CMC1: variants seen among roughly 807,000 people sequenced by gnomAD.
CMC1 encodes COX assembly mitochondrial protein homolog.
Under a neutral mutation model 14.1 loss-of-function variants are expected in CMC1, and 14 were observed. The observed-to-expected ratio is 0.99, with a 90% CI of 0.66 to 1.55. The LOEUF (loss-of-function observed/expected upper bound fraction) is 1.55, where lower values mean the gene tolerates loss of function less well. Ranked by LOEUF, CMC1 falls within the 40% of genes most tolerant of loss-of-function variation. The pLI is 0.00. For missense variants in CMC1, 127 were observed against 123.8 expected, an observed-to-expected ratio of 1.03 and a Z score of -0.12; for synonymous variants, 50 against 38.4, an observed-to-expected ratio of 1.30 and a Z score of -1.12.
At chr3:28,247,879 C>T (rs998933231) in intron 1 of CMC1, among the ~76,000 whole-genome samples, 1 of 152,016 alleles carries the variant, frequency 6.6e-6, no homozygotes, top group South Asian at 2.1e-4. Context: ...TCTAGGCCAT[C>T]GTACATGCTG....
intron 2 of CMC1, chr3:28,297,196 T>C (rs1023206349): frequency 6.6e-5 from 10 of 152,092 alleles, no homozygotes; most frequent in African/African-American, 2.4e-4. Context: ...AACCCCTTTA[T>C]AAAGTAGCAT....
chr3:28,318,170 T>C (rs1703018540), intron 3 of CMC1: 1 of 151,856 alleles, frequency 6.6e-6, no homozygotes, highest in Non-Finnish European at 1.5e-5. Flanking sequence ...GTAACTGCTA[T>C]CCTCTCTCAT....
chr3:28,316,758 T>C (rs1438627040), intron 3 of CMC1: 2 of 162,884 alleles, frequency 1.2e-5, no homozygotes, highest in African/African-American at 4.8e-5. Context: ...TAAAGATAAC[T>C]GAATGAAAAT....
chr3:28,292,004 T>C (rs1162968502), intron 2 of CMC1: 1 of 152,186 alleles, frequency 6.6e-6, no homozygotes, highest in Non-Finnish European at 1.5e-5. Flanking sequence ...TTTTGTTTTG[T>C]TTTTGTTTTT....
At chr3:28,253,829 A>G in intron 1 of CMC1, 1 of 730,498 alleles carries the variant, frequency 1.4e-6, no homozygotes, top group East Asian at 6.5e-5. Context: ...AAATTAGTTA[A>G]ATTAGAATGT....
rs776580155 is a variant in CMC1, at chr3:28,324,228, T to C, written c.*4599T>C. On this transcript the variant is annotated 3_prime_UTR_variant, in exon 4 of 4. Transcript: ENST00000466830. ...CATAAGAACTGTGTTCCTGAAAGCATGTACCATCATTAGGAATGGATCTCT... is the reference window on the plus strand; with the variant it reads ...CATAAGAACTGTGTTCCTGAAAGCACGTACCATCATTAGGAATGGATCTCT... 50 of 1,610,370 alleles carry C rather than the reference T, an allele frequency of 3.1e-5. No homozygotes were observed. In the South Asian group the frequency reaches 5.1e-4, roughly 16 times the overall value.
At position 28,324,730 on chromosome 3, in the gene CMC1, C is replaced by T. The variant is rs1462833942; in HGVS notation, c.*5101C>T. On this transcript the variant is annotated 3_prime_UTR_variant, in exon 4 of 4. Coordinates refer to ENST00000466830, the MANE Select transcript of CMC1 (RefSeq NM_182523.2). The stretch of plus-strand genomic sequence containing the variant: ...AATGGATATAGAATTCCTGTCCCAA[C>T]TATGTCATAGAGCTTTTAAAAGATG... 3.4e-6 allele frequency: 1 copy of T among 298,340 alleles called. No individual in the cohort carries two copies. Among genetic ancestry groups the T allele is most frequent in the African/African-American group, 2.2e-5 (1 of 46,092 alleles). 18.5% of individuals were successfully genotyped at this position (298,340 alleles called of 1,614,324 possible).
chr3:28,274,116 ATTTGGTCCTG>A (rs1173836622), intron 2 of CMC1, among the ~76,000 whole-genome samples: 168 of 151,262 alleles, frequency 1.1e-3, no homozygotes, highest in Middle Eastern at 6.8e-3. Flanking sequence ...TTATATGTGA[ATTTGGTCCTG>A]CCATCATGAT....
chr3:28,255,241 C>CTTTT (rs61315525), intron 1 of CMC1, among the ~76,000 whole-genome samples: 1 of 133,150 alleles, frequency 7.5e-6, no homozygotes, highest in Non-Finnish European at 1.6e-5. Flanking sequence ...TTTGTTTCCT[C>CTTTT]TTTTTTTTTT....
intron 2 of CMC1, among the ~76,000 whole-genome samples, chr3:28,273,239 A>G (rs1325212542): frequency 6.6e-6 from 1 of 152,094 alleles, no homozygotes. Flanking sequence ...AGTGCTATAA[A>G]TTTCCCTCTT....
At position 28,324,099 on chromosome 3, in the gene CMC1, G is replaced by C. The variant is rs1187668286; in HGVS notation, c.*4470G>C. 6.2e-7 allele frequency: 1 copy of C among 1,610,154 alleles called. No homozygotes were observed. Among genetic ancestry groups the C allele is most frequent in the South Asian group, 1.1e-5 (1 of 90,940 alleles). On this transcript the variant is annotated 3_prime_UTR_variant, in exon 4 of 4. Coordinates refer to ENST00000466830, the MANE Select transcript of CMC1 (RefSeq NM_182523.2). ...GATCCAAGTAATGCAGTGGTGGAAGGTTGGGTAAAGGCAAAGTTTTAGTTT... is the reference window on the plus strand; with the variant it reads ...GATCCAAGTAATGCAGTGGTGGAAGCTTGGGTAAAGGCAAAGTTTTAGTTT...
chr3:28,289,765 ACAT>A (rs1364076163), intron 2 of CMC1, among the ~76,000 whole-genome samples: 2 of 152,116 alleles, frequency 1.3e-5, no homozygotes. Flanking sequence ...GGGGAAAACA[ACAT>A]CATGCTTTTA....
At chr3:28,294,427 A>G in intron 2 of CMC1, 18 of 910,598 alleles carry the variant, frequency 2.0e-5, no homozygotes, top group Non-Finnish European at 2.4e-5. Flanking sequence ...TCTCTTTTAC[A>G]ATACAGGACA....
chr3:28,316,268 TTG>T (rs1299844753), intron 2 of CMC1, 63 bp from the exon 3 acceptor site: 2 of 758,360 alleles, frequency 2.6e-6, no homozygotes, highest in Non-Finnish European at 2.0e-6. Context: ...AAGAAGAAAA[TTG>T]TGTGTGTGGG....
chr3:28,293,055 A>G (rs1442520703), intron 2 of CMC1: 1 of 151,958 alleles, frequency 6.6e-6, no homozygotes, highest in Non-Finnish European at 1.5e-5. Context: ...TTGTATCTAT[A>G]TATGCTAAAC....
intron 2 of CMC1, among the ~76,000 whole-genome samples, chr3:28,266,112 A>T (rs1440752466): frequency 1.3e-5 from 2 of 152,156 alleles, no homozygotes; most frequent in East Asian, 3.8e-4. Context: ...TTTTTTAACC[A>T]GCTTACATGA....
At position 28,322,861 on chromosome 3, in the gene CMC1, A is replaced by ACTGT. The variant is rs1029086392; in HGVS notation, c.*3235_*3238dup. The ACTGT allele has an allele frequency of 6.6e-6, 1 of 151,250 alleles. No homozygotes were observed. The highest frequency in any genetic ancestry group is 2.4e-5 in the African/African-American group (1 of 41,334). The allele number at this position is 151,250 out of a possible 1,614,324, so 9.4% of individuals were successfully genotyped here. A position where few individuals can be genotyped will look rare whatever the true frequency, so the allele number is the denominator to read the frequency against. On this transcript the variant is annotated 3_prime_UTR_variant, in exon 4 of 4. Coordinates refer to ENST00000466830, the MANE Select transcript of CMC1 (RefSeq NM_182523.2). Reference sequence around the variant, plus strand: ...AGATATTGAGTTCAAGATATATGAAACTGTCTATCAAAAAGGATAAAAGTC... The same window carrying ACTGT: ...AGATATTGAGTTCAAGATATATGAAACTGTCTGTCTATCAAAAAGGATAAAAGTC...
intron 1 of CMC1, among the ~76,000 whole-genome samples, chr3:28,256,899 TATTAAA>T (rs1210524380): frequency 4.6e-5 from 7 of 152,324 alleles, no homozygotes; most frequent in African/African-American, 1.7e-4. Flanking sequence ...TTTGTCAGAA[TATTAAA>T]ATTGAGAGAG....
intron 1 of CMC1, among the ~76,000 whole-genome samples, chr3:28,242,338 C>T (rs17021276): frequency 0.04 from 6,096 of 152,268 alleles, 388 homozygotes; most frequent in African/African-American, 0.13. Context: ...CCAGCCACTT[C>T]CGTTTGCAGC....
Sources: allele counts gnomAD v4.1 joint callset (sites outside exome capture counted in the v4.1 genomes callset), GRCh38; gene constraint gnomAD v4.1.1; transcripts MANE v1.5; gene names NCBI Gene and HGNC (gene_info 2026-07-23, HGNC 2026-07-21).